The following ANKS6 variants were observed in gnomAD, a reference collection of about 807,000 sequenced individuals.
ANKS6 encodes the protein ankyrin repeat and SAM domain-containing protein 6.
ANKS6 carries 47 observed loss-of-function variants against 77.9 expected under a neutral mutation model. The observed-to-expected ratio is 0.60, with a 90% confidence interval of 0.48 to 0.77. The LOEUF (loss-of-function observed/expected upper bound fraction) is 0.77, where lower values mean the gene tolerates loss of function less well. Among genes scored for constraint, ANKS6 ranks in the 30% least tolerant of loss-of-function variants. The probability of loss-of-function intolerance (pLI) is 0.00; values close to 1 mark genes in which losing one functional copy is unlikely to be tolerated. For missense variants in ANKS6, 1,150 were observed against 1,159.1 expected (o/e 0.99, Z 0.11); for synonymous variants, 488 against 501.7 (o/e 0.97, Z 0.37).
At position 98,732,786 on chromosome 9, in the gene ANKS6, T is replaced by C. The variant is rs1831271089; in HGVS notation, c.*3733A>G. 2.2e-5 allele frequency: 30 copies of C among 1,372,800 alleles called. 1 individual carries two copies. Among genetic ancestry groups the C allele is most frequent in the East Asian group, 5.6e-5 (2 of 35,582 alleles). The allele number at this position is 1,372,800 out of a possible 1,614,324, so 85.0% of individuals were successfully genotyped here. Reference sequence around the variant, plus strand: ...CACGCAGCACTAGGTCTATGTCCAGTGCTCTTTCCAGGGTAACAGGTTGCT... The same window carrying C: ...CACGCAGCACTAGGTCTATGTCCAGCGCTCTTTCCAGGGTAACAGGTTGCT... On this transcript the variant is annotated 3_prime_UTR_variant, in exon 15 of 15. Transcript: ENST00000353234.
chr9:98,771,899 G>A (rs1278900429), intron 9 of ANKS6, among the ~76,000 whole-genome samples: 1 of 152,184 alleles, frequency 6.6e-6, no homozygotes, highest in Non-Finnish European at 1.5e-5. Context: ...ACCATGGCTT[G>A]TGAGTGTACA....
At chr9:98,759,618 CACTT>C (rs755019392) in intron 11 of ANKS6, among the ~76,000 whole-genome samples, 1 of 152,202 alleles carries the variant, frequency 6.6e-6, no homozygotes, top group Non-Finnish European at 1.5e-5. Flanking sequence ...TTCAGGGAAA[CACTT>C]ACTTACATTT....
chr9:98,766,816 G>A (rs561169418), intron 11 of ANKS6, among the ~76,000 whole-genome samples: 17 of 152,326 alleles, frequency 1.1e-4, no homozygotes, highest in African/African-American at 3.8e-4. Flanking sequence ...AATCTCTGGA[G>A]GCGCTTCTTT....
At chr9:98,783,830 T>A in intron 4 of ANKS6, 123 bp downstream of exon 4, 2 of 786,740 alleles carry the variant, frequency 2.5e-6, no homozygotes, top group Non-Finnish European at 3.5e-6. Flanking sequence ...CATGCCTCAA[T>A]GTCGTCATAG....
chr9:98,741,124 A>G (rs1486563735), intron 14 of ANKS6, among the ~76,000 whole-genome samples: 1 of 152,252 alleles, frequency 6.6e-6, no homozygotes, highest in Non-Finnish European at 1.5e-5. Flanking sequence ...CACCATTTAT[A>G]CAAAGTTTGA....
chr9:98,775,479 T>G (rs114156498), intron 8 of ANKS6, among the ~76,000 whole-genome samples: 1 of 152,284 alleles, frequency 6.6e-6, no homozygotes, highest in South Asian at 2.1e-4. Context: ...GAAAAGATGG[T>G]CACAACACAT....
intron 13 of ANKS6, among the ~76,000 whole-genome samples, chr9:98,749,514 G>C (rs746354436): frequency 9.2e-5 from 14 of 152,152 alleles, no homozygotes; most frequent in Non-Finnish European, 1.6e-4. Flanking sequence ...AGGTGAACTC[G>C]CAGACATGCC....
intron 14 of ANKS6, among the ~76,000 whole-genome samples, chr9:98,744,220 C>A: frequency 6.6e-6 from 1 of 152,190 alleles, no homozygotes; most frequent in East Asian, 1.9e-4. Context: ...CAAGGCAATG[C>A]TAAGGGCATC....
chr9:98,740,778 A>G (rs1216137103), intron 14 of ANKS6, among the ~76,000 whole-genome samples: 1 of 152,214 alleles, frequency 6.6e-6, no homozygotes, highest in Non-Finnish European at 1.5e-5. Context: ...GACCTGCCTG[A>G]TAATTCTCAA....
intron 14 of ANKS6, among the ~76,000 whole-genome samples, chr9:98,743,642 C>A (rs1704335463): frequency 6.6e-6 from 1 of 152,210 alleles, no homozygotes; most frequent in African/African-American, 2.4e-5. Flanking sequence ...GTTAGCTACA[C>A]TGAGGCAGTT....
At chr9:98,751,320 A>C (rs374336716) in intron 12 of ANKS6, among the ~76,000 whole-genome samples, 4 of 151,866 alleles carry the variant, frequency 2.6e-5, no homozygotes, top group African/African-American at 9.7e-5. Context: ...AATCAACAAA[A>C]CTCCACGTCA....
chr9:98,789,071 G>A (rs1834740248), intron 2 of ANKS6, among the ~76,000 whole-genome samples: 1 of 144,606 alleles, frequency 6.9e-6, no homozygotes, highest in Non-Finnish European at 1.5e-5. Context: ...TTTCTAATAA[G>A]CATTTACCAA....
At chr9:98,785,357 C>T (rs375724037) in intron 2 of ANKS6, among the ~76,000 whole-genome samples, 154 of 152,300 alleles carry the variant, frequency 1.0e-3, no homozygotes, top group African/African-American at 3.4e-3. Flanking sequence ...ACAGAAGAGC[C>T]AATGCTCATA....
Position 98,778,300 on chromosome 9 carries a change from G to A in ANKS6, c.1493C>T (p.Thr498Ile). ...CTTGTCCTGGGGGGCAGCCCTCATT[G>A]TGGAGTCCAGAGCTGGCTCAGGCTC... ...SDEPEPALDS[T>I]MRAAPQDKTS... The change falls in exon 7 of 15, where the codon ACA becomes ATA. Residue 498 changes from threonine to isoleucine, a missense_variant. Physicochemically the swap from Thr to Ile is moderately conservative, Grantham distance 89 (BLOSUM62 -1). Transcript: ENST00000353234. 6.2e-7 allele frequency: 1 copy of A among 1,614,194 alleles called. No individual in the cohort carries two copies. Among genetic ancestry groups the A allele is most frequent in the Non-Finnish European group, 8.5e-7 (1 of 1,180,032 alleles).
chr9:98,795,708 C>G (rs1003903029), intron 1 of ANKS6, among the ~76,000 whole-genome samples: 1 of 152,190 alleles, frequency 6.6e-6, no homozygotes, highest in Non-Finnish European at 1.5e-5. Context: ...CACAGCTACT[C>G]AAACCTTTCC....
chr9:98,765,822 G>A (rs1023484056), intron 11 of ANKS6, among the ~76,000 whole-genome samples: 9 of 152,114 alleles, frequency 5.9e-5, no homozygotes, highest in Admixed American at 3.3e-4. Context: ...CCATTACAGC[G>A]AGTTATTTTA....
At chr9:98,771,070 C>CACTT in intron 9 of ANKS6, 24 bp from the exon 10 acceptor site, 1 of 1,498,070 alleles carries the variant, frequency 6.7e-7, no homozygotes, top group South Asian at 1.4e-5. Flanking sequence ...GCAGGTGCAG[C>CACTT]ACTTAGGGAG....
chr9:98,793,974 A>C (rs1588426616), intron 1 of ANKS6, among the ~76,000 whole-genome samples: 1 of 147,504 alleles, frequency 6.8e-6, no homozygotes, highest in Non-Finnish European at 1.5e-5. Flanking sequence ...ACACAGTGAA[A>C]CCCGGTCTCT....
chr9:98,766,933 C>A (rs1254569671), intron 11 of ANKS6, among the ~76,000 whole-genome samples: 1 of 152,068 alleles, frequency 6.6e-6, no homozygotes, highest in Non-Finnish European at 1.5e-5. Flanking sequence ...TTTGCCTGGA[C>A]ATAGAGTCCC....
Sources: gnomAD v4.1 joint callset for allele counts (sites outside exome capture counted in the v4.1 genomes callset) on GRCh38, gnomAD v4.1.1 for gene constraint, MANE v1.5 for transcripts, NCBI Gene and HGNC (gene_info 2026-07-23, HGNC 2026-07-21) for gene names.